Variants in CGNL1 observed in about 807,000 individuals in gnomAD.
CGNL1 encodes the protein cingulin-like protein 1.
A neutral mutation model predicts 141.2 loss-of-function variants in CGNL1; 132 were observed. The ratio of observed to expected loss-of-function variants is 0.93; its 90% CI spans 0.81 to 1.08. The LOEUF is 1.08. Among genes scored for constraint, CGNL1 ranks in the 50% least tolerant of loss-of-function variants. The pLI is 0.00. For synonymous variants in CGNL1, 690 were observed against 622.1 expected, an observed-to-expected ratio of 1.11 and a Z score of -1.63; for missense variants, 1,870 against 1,588.6, an observed-to-expected ratio of 1.18 and a Z score of -3.01.
At chr15:57,418,610 A>G (rs1340135768) in intron 1 of CGNL1, among the ~76,000 whole-genome samples, 2 of 152,142 alleles carry the variant, frequency 1.3e-5, no homozygotes, top group African/African-American at 4.8e-5. Context: ...CACAGCTCAT[A>G]AATTATCACC....
rs755330357 is a variant in CGNL1, at chr15:57,438,564, T to G, written c.565T>G (p.Trp189Gly). 3 of 1,613,762 alleles carry G rather than the reference T, an allele frequency of 1.9e-6. No individual in the cohort carries two copies. Among genetic ancestry groups the G allele is most frequent in the South Asian group, 2.2e-5 (2 of 91,086 alleles). ...TEEGINNKKPWTCFPKPSNSQ... is the reference protein window; with the variant it reads ...TEEGINNKKPGTCFPKPSNSQ... ...AGAAGGCATCAACAATAAGAAGCCT[T>G]GGACTTGCTTTCCCAAACCTAGCAA... Residue 189 changes from tryptophan (W) to glycine (G), a missense_variant, in exon 2 of 19, where the codon TGG becomes GGG. Physicochemically the swap from Trp to Gly is radical, Grantham distance 184. Coordinates refer to ENST00000281282, the MANE Select transcript of CGNL1 (RefSeq NM_032866.5).
At chr15:57,521,186 T>C (rs2031231621) in intron 10 of CGNL1, among the ~76,000 whole-genome samples, 1 of 152,130 alleles carries the variant, frequency 6.6e-6, no homozygotes, top group Admixed American at 6.5e-5. Flanking sequence ...CTTTTTTTCA[T>C]GTGAATTTGG....
intron 1 of CGNL1, among the ~76,000 whole-genome samples, chr15:57,418,933 C>CCTT (rs1555432552): frequency 8.2e-5 from 12 of 145,688 alleles, no homozygotes; most frequent in Admixed American, 2.7e-4. Context: ...TGCCTGGTGC[C>CCTT]TTTTTTTTTT....
intron 1 of CGNL1, among the ~76,000 whole-genome samples, chr15:57,432,074 G>A (rs184204754): frequency 6.6e-6 from 1 of 152,342 alleles, no homozygotes; most frequent in African/African-American, 2.4e-5. Context: ...CTTGTTCAAA[G>A]CAAACATACC....
intron 2 of CGNL1, 57 bp downstream of exon 2, chr15:57,439,658 T>G (rs1158718355): frequency 6.6e-7 from 1 of 1,521,610 alleles, no homozygotes; most frequent in Non-Finnish European, 9.0e-7. Context: ...AATAATGTAA[T>G]GATGTACTTA....
chr15:57,429,047 A>AC (rs1762479708), intron 1 of CGNL1, among the ~76,000 whole-genome samples: 1 of 151,906 alleles, frequency 6.6e-6, no homozygotes, highest in African/African-American at 2.4e-5. Flanking sequence ...ATAAAAAAAA[A>AC]AAAAGTGCAG....
intron 1 of CGNL1, chr15:57,407,401 C>CT (rs2062735531): frequency 6.6e-6 from 1 of 152,112 alleles, no homozygotes; most frequent in South Asian, 2.1e-4. Context: ...TGGCTCATGC[C>CT]TGTAATTCCA....
intron 14 of CGNL1, among the ~76,000 whole-genome samples, chr15:57,533,046 G>A (rs1313806877): frequency 1.3e-5 from 2 of 152,208 alleles, no homozygotes; most frequent in African/African-American, 2.4e-5. Context: ...AGGCAGCCCT[G>A]CTCAAAGTAG....
intron 1 of CGNL1, among the ~76,000 whole-genome samples, chr15:57,395,919 G>T (rs531712702): frequency 6.6e-6 from 1 of 152,222 alleles, no homozygotes; most frequent in Admixed American, 6.5e-5. Flanking sequence ...AAGCTTTCTT[G>T]TGCCTCCTCC....
Position 57,415,430 on chromosome 15 carries a change from G to A in CGNL1, c.-15-22555G>A, listed in dbSNP as rs184626438. Among the ~76,000 whole-genome samples the A allele has an allele frequency of 6.6e-5, 10 of 152,314 alleles. No homozygotes were observed. In the East Asian group the frequency reaches 1.4e-3, roughly 21 times the overall value. On this transcript the variant is annotated intron_variant, in intron 1 of 18. Coordinates refer to ENST00000281282, the MANE Select transcript of CGNL1 (RefSeq NM_032866.5). ...CCAGAGAAGATGCTACGCTGCTGGCGTTGAAGATGGAGGAAGGGACCAAGA... is the reference window on the plus strand; with the variant it reads ...CCAGAGAAGATGCTACGCTGCTGGCATTGAAGATGGAGGAAGGGACCAAGA...
intron 8 of CGNL1, among the ~76,000 whole-genome samples, chr15:57,513,253 G>GGTGGGT (rs1555446882): frequency 3.0e-5 from 4 of 133,892 alleles, no homozygotes; most frequent in East Asian, 2.3e-4. Flanking sequence ...TGTCAATATG[G>GGTGGGT]GTGTGTGTGT....
chr15:57,452,987 T>C (rs1333704240), intron 6 of CGNL1, among the ~76,000 whole-genome samples: 1 of 152,188 alleles, frequency 6.6e-6, no homozygotes, highest in Admixed American at 6.5e-5. Context: ...CAATCATAGA[T>C]GCTAATTGCA....
At chr15:57,377,480 A>G (rs1219697794) in intron 1 of CGNL1, among the ~76,000 whole-genome samples, 1 of 151,676 alleles carries the variant, frequency 6.6e-6, no homozygotes, top group African/African-American at 2.4e-5. Flanking sequence ...AAGTTTGAAA[A>G]CCTCTGCTTT....
At chr15:57,531,614 T>A in intron 13 of CGNL1, 76 bp from the exon 14 acceptor site, 1 of 917,780 alleles carries the variant, frequency 1.1e-6, no homozygotes, top group Middle Eastern at 2.1e-4. Flanking sequence ...TAGGATTGTT[T>A]CTCTGTGGGG....
intron 1 of CGNL1, among the ~76,000 whole-genome samples, chr15:57,392,803 A>C (rs1254229799): frequency 6.6e-6 from 1 of 152,202 alleles, no homozygotes; most frequent in Non-Finnish European, 1.5e-5. Flanking sequence ...AGATGTTTAA[A>C]GTCTACTAAG....
chr15:57,539,417 C>A (rs181218160), intron 14 of CGNL1, among the ~76,000 whole-genome samples: 137 of 152,260 alleles, frequency 9.0e-4, no homozygotes, highest in African/African-American at 3.0e-3. Context: ...ACACTCCCTT[C>A]TCGATGTCCA....
chr15:57,477,198 A>G (rs1270717230), intron 8 of CGNL1, among the ~76,000 whole-genome samples: 1 of 152,182 alleles, frequency 6.6e-6, no homozygotes, highest in Non-Finnish European at 1.5e-5. Context: ...AGTCAAGCAA[A>G]TAAATGATAG....
At chr15:57,463,264 A>G (rs2063468670) in intron 8 of CGNL1, among the ~76,000 whole-genome samples, 1 of 152,148 alleles carries the variant, frequency 6.6e-6, no homozygotes, top group Non-Finnish European at 1.5e-5. Flanking sequence ...CAGGTTCTCT[A>G]CTGTCAGAGA....
intron 8 of CGNL1, among the ~76,000 whole-genome samples, chr15:57,513,183 G>C (rs1187361964): frequency 1.3e-5 from 2 of 151,622 alleles, no homozygotes; most frequent in Non-Finnish European, 2.9e-5. Flanking sequence ...TAGCAGCCCA[G>C]GGCAATCACT....
Sources: gnomAD v4.1 joint callset for allele counts (sites outside exome capture counted in the v4.1 genomes callset) on GRCh38, gnomAD v4.1.1 for gene constraint, MANE v1.5 for transcripts, NCBI Gene and HGNC (gene_info 2026-07-23, HGNC 2026-07-21) for gene names.